Variants in IDUA observed in about 807,000 individuals in gnomAD.
IDUA encodes the protein iduronidase alpha-L-.
In IDUA, 65 loss-of-function variants were observed where a neutral mutation model predicts 68.9. That is an observed-to-expected ratio of 0.94 (90% CI 0.77 to 1.16). IDUA has a LOEUF of 1.16. Ranked by LOEUF, IDUA falls within the 50% of genes most tolerant of loss-of-function variation. The pLI, the probability that IDUA is intolerant of heterozygous loss-of-function variation, is 0.00. For missense variants in IDUA, 1,046 were observed against 938.0 expected (o/e 1.12, Z -1.50); for synonymous variants, 529 against 433.6 (o/e 1.22, Z -2.73).
At chr4:998,641 C>G (rs1014802788) in intron 2 of IDUA, among the ~76,000 whole-genome samples, 1 of 152,140 alleles carries the variant, frequency 6.6e-6, no homozygotes, top group Non-Finnish European at 1.5e-5. Flanking sequence ...AACTCCAGAC[C>G]CTTGCACACC....
chr4:997,242 C>A (rs1384726157), intron 2 of IDUA, among the ~76,000 whole-genome samples: 1 of 151,930 alleles, frequency 6.6e-6, no homozygotes, highest in Non-Finnish European at 1.5e-5. Context: ...GTGTCCCCTT[C>A]GTCCCGGCCA....
chr4:1,002,246 C>T (rs778787367), intron 7 of IDUA, 23 bp from the exon 8 acceptor site: 1 of 1,601,394 alleles, frequency 6.2e-7, no homozygotes, highest in Admixed American at 1.7e-5. Flanking sequence ...CCACCCGGTC[C>T]CAGCTGCCCT....
intron 2 of IDUA, chr4:989,582 C>A (rs760755511): frequency 3.1e-6 from 5 of 1,596,498 alleles, no homozygotes; most frequent in Admixed American, 3.5e-5. Flanking sequence ...TTGCGCAGGG[C>A]CCCCCGCAGG....
At chr4:991,792 C>G in intron 2 of IDUA, 1 of 1,530,848 alleles carries the variant, frequency 6.5e-7, no homozygotes. Flanking sequence ...ACGACAAGGT[C>G]CCCGGCAGCA....
At chr4:997,105 G>A (rs1209949896) in intron 2 of IDUA, among the ~76,000 whole-genome samples, 1 of 152,190 alleles carries the variant, frequency 6.6e-6, no homozygotes, top group Non-Finnish European at 1.5e-5. Flanking sequence ...CCTCCCACCC[G>A]TGGGAAGAAG....
chr4:1,003,267 C>G (rs1715228893), intron 10 of IDUA, 78 bp from the exon 11 acceptor site: 1 of 1,347,412 alleles, frequency 7.4e-7, no homozygotes, highest in Non-Finnish European at 9.5e-7. Flanking sequence ...AGCGGTGGGC[C>G]GGGGGCGTTC....
At chr4:991,575 C>G (rs745954002) in intron 2 of IDUA, 5 of 1,601,484 alleles carry the variant, frequency 3.1e-6, no homozygotes, top group Non-Finnish European at 4.2e-6. Flanking sequence ...GGACGCACAG[C>G]ACACTGCACG....
At position 1,000,625 on chromosome 4, in the gene IDUA, C is replaced by T. The variant is rs779553529; in HGVS notation, c.313C>T (p.Arg105Trp). 2.2e-5 allele frequency: 36 copies of T among 1,612,306 alleles called. No individual in the cohort carries two copies. In the Middle Eastern group the frequency reaches 9.9e-4, roughly 44 times the overall value. Residue 105 changes from arginine (R) to tryptophan (W), a missense_variant, in exon 3 of 14, where the codon CGG (arginine) becomes TGG (tryptophan). By Grantham distance (101) the Arg-to-Trp change is moderately radical. Coordinates refer to ENST00000514224, the MANE Select transcript of IDUA (RefSeq NM_000203.5). ...GTCCTTCTGCAGGGGGTCCACTGGA[C>T]GGGGCCTGAGCTACAACTTCACCCA... is the stretch of plus-strand genomic sequence containing the variant. Reference protein sequence around the residue: ...ELVTTRGSTGRGLSYNFTHLD... With the variant: ...ELVTTRGSTGWGLSYNFTHLD...
rs1438462726 is a variant in IDUA, at chr4:1,002,765, C to T, written c.1223C>T (p.Ala408Val). 4 of 1,481,970 alleles carry T rather than the reference C, an allele frequency of 2.7e-6. No homozygotes were observed. The highest frequency in any genetic ancestry group is 1.5e-5 in the African/African-American group (1 of 68,222). The allele number at this position is 1,481,970 out of a possible 1,614,324, so 91.8% of individuals were successfully genotyped here. A position where few individuals can be genotyped will look rare whatever the true frequency, so the allele number is the denominator to read the frequency against. ...CAGCTCTGGGCCGAAGTGTCGCAGGCCGGGACCGTCCTGGACAGCAACCAC... is the reference window on the plus strand; with the variant it reads ...CAGCTCTGGGCCGAAGTGTCGCAGGTCGGGACCGTCCTGGACAGCAACCAC... ...EEQLWAEVSQ[A>V]GTVLDSNHTV... The change falls in exon 9 of 14, where the codon GCC becomes GTC. Residue 408 changes from alanine (A) to valine (V), a missense_variant. Ala to Val is a moderately conservative substitution (Grantham distance 64). Transcript: ENST00000514224.
rs965929339 is a variant in IDUA at position 1,001,854 on chromosome 4, G to C, written c.765G>C (p.Arg255=). The C allele has an allele frequency of 8.2e-6, 13 of 1,594,782 alleles. No individual in the cohort carries two copies. In the African/African-American group the frequency reaches 1.7e-4, roughly 21 times the overall value. Residue 255 remains arginine (R), a synonymous_variant, in exon 6 of 14, where the codon CGG becomes CGC. Transcript: ENST00000514224. ...TCTTCACTGGGGAGGCGGGCGTGCG[G>C]CTGGACTACATCTCCCTCCACAGGA... ...TNFFTGEAGV[R]LDYISLHRKG... is the part of the protein sequence containing the mutation.
At chr4:994,562 C>A (rs527320508) in intron 2 of IDUA, among the ~76,000 whole-genome samples, 2 of 149,510 alleles carry the variant, frequency 1.3e-5, no homozygotes, top group South Asian at 2.1e-4. Flanking sequence ...CTCAGCCTCC[C>A]GAGTAGCTGG....
At position 987,941 on chromosome 4, in the gene IDUA, C is replaced by T. The variant is rs1713872837; in HGVS notation, c.291C>T (p.Val97=). 3 of 1,584,268 alleles carry T rather than the reference C, an allele frequency of 1.9e-6. No homozygotes were observed. Among genetic ancestry groups the T allele is most frequent in the East Asian group, 2.3e-5 (1 of 43,146 alleles). Residue 97 remains valine, a synonymous_variant, in exon 2 of 14, where the codon GTC becomes GTT. Transcript: ENST00000514224. ...GGACCCACTGGCTGCTGGAGCTTGT[C>T]ACCACCAGGTGGGCGGCGGGCAGGG... The part of the protein sequence containing the change: ...QVRTHWLLEL[V]TTRGSTGRGL...
In IDUA at chr4:1,003,490, C is replaced by G; in HGVS notation, c.1650+20C>G. 6.3e-7 allele frequency: 1 copy of G among 1,590,490 alleles called. No homozygotes were observed. Among genetic ancestry groups the G allele is most frequent in the Non-Finnish European group, 8.5e-7 (1 of 1,173,866 alleles). ...GGGCAGGCAAGTGGCAGTCCCCTAA[C>G]CCGCGCCGCGGCCCGGACTCCCCTT... On this transcript the variant is annotated intron_variant, in intron 11 of 13. Transcript: ENST00000514224.
intron 4 of IDUA, 138 bp from the exon 5 acceptor site, chr4:1,001,330 G>A (rs1715059968): frequency 1.2e-6 from 1 of 815,412 alleles, no homozygotes; most frequent in African/African-American, 1.7e-5. Context: ...GCTTCCTGAT[G>A]TGGGGCGGGA....
intron 4 of IDUA, chr4:1,001,230 G>T: frequency 3.2e-6 from 2 of 622,962 alleles, no homozygotes; most frequent in Non-Finnish European, 5.7e-6. Flanking sequence ...TGGGGTGGGG[G>T]GTACTCCTGG....
chr4:1,003,052 G>A lies in IDUA; in HGVS notation c.1419G>A (p.Thr473=), dbSNP rs1715205662. The A allele has an allele frequency of 6.6e-7, 1 of 1,513,806 alleles. No homozygotes were observed. The highest frequency in any genetic ancestry group is 8.8e-7 in the Non-Finnish European group (1 of 1,140,132). The allele number at this position is 1,513,806 out of a possible 1,614,324, so 93.8% of individuals were successfully genotyped here. The change falls in exon 10 of 14, where the codon ACG becomes ACA. Residue 473 remains threonine (T), a synonymous_variant. Transcript: ENST00000514224. ...VPPGPGLVYV[T]RYLDNGLCSP... ...GCCCCGCAGGCCTGGTCTACGTCAC[G>A]CGCTACCTGGACAACGGGCTCTGCA...
chr4:989,106 T>C lies in IDUA; in HGVS notation c.299+1157T>C, dbSNP rs373580788. ...GCAGCGGGGCGCAGTCGATGACCAC[T>C]GTGTGGAAGCCGGCCGCTGCGGGCA... On this transcript the variant is annotated intron_variant, in intron 2 of 13. Transcript: ENST00000514224. The C allele has an allele frequency of 4.4e-5, 71 of 1,604,994 alleles. No homozygotes were observed. Among genetic ancestry groups the C allele is most frequent in the Non-Finnish European group, 5.4e-5 (63 of 1,176,126 alleles).
rs1044151430 is a variant in IDUA, at chr4:989,495, T to C, written c.299+1546T>C. On this transcript the variant is annotated intron_variant, in intron 2 of 13. Coordinates refer to ENST00000514224, the MANE Select transcript of IDUA (RefSeq NM_000203.5). ...AGCCCGGCCTCTGTGCTGACCAGCA[T>C]ACAGGTGGCCGCGGTGCCTGCCCAG... 2.4e-5 allele frequency: 37 copies of C among 1,554,052 alleles called. No individual in the cohort carries two copies. Among genetic ancestry groups the C allele is most frequent in the African/African-American group, 1.4e-4 (10 of 73,444 alleles).
rs1713989829 is a variant in IDUA at position 989,084 on chromosome 4, G to T, written c.299+1135G>T. ...ACACCGGCTGCGTCTAGGAACAGCA[G>T]CGGGGCGCAGTCGATGACCACTGTG... is the stretch of plus-strand genomic sequence containing the variant. On this transcript the variant is annotated intron_variant, in intron 2 of 13. Coordinates refer to ENST00000514224, the MANE Select transcript of IDUA (RefSeq NM_000203.5). 2 of 1,597,124 alleles carry T rather than the reference G, an allele frequency of 1.3e-6. No homozygotes were observed.
Sources: allele counts gnomAD v4.1 joint callset (sites outside exome capture counted in the v4.1 genomes callset), GRCh38; gene constraint gnomAD v4.1.1; transcripts MANE v1.5; gene names NCBI Gene and HGNC (gene_info 2026-07-23, HGNC 2026-07-21).